ADAM32: variants seen among roughly 807,000 people sequenced by gnomAD.
The protein encoded by ADAM32 is disintegrin and metalloproteinase domain-containing protein 32.
ADAM32 carries 89 observed loss-of-function variants against 114.9 expected under a neutral mutation model. The ratio of observed to expected loss-of-function variants is 0.77; its 90% CI spans 0.65 to 0.92. The LOEUF is 0.92. Among genes scored for constraint, ADAM32 ranks in the 40% least tolerant of loss-of-function variants. ADAM32 has a pLI of 0.00. For missense variants in ADAM32, 870 were observed against 932.8 expected, an observed-to-expected ratio of 0.93 and a Z score of 0.88; for synonymous variants, 285 against 307.5, an observed-to-expected ratio of 0.93 and a Z score of 0.77.
In ADAM32 at chr8:39,203,974, G is replaced by C. The variant is rs10111868; in HGVS notation, c.1053-7170G>C. Among the ~76,000 whole-genome samples, 294 of 152,258 alleles carry C rather than the reference G, an allele frequency of 1.9e-3. 1 individual carries two copies. Among genetic ancestry groups the C allele is most frequent in the African/African-American group, 6.3e-3 (260 of 41,544 alleles). On this transcript the variant is annotated intron_variant, in intron 11 of 24. Coordinates refer to ENST00000379907, the MANE Select transcript of ADAM32 (RefSeq NM_145004.7). ...GAATATTGGCCCCCACTCTCTTCTG[G>C]CTTGTAGAGTTTCTGCTGAGAGATC...
chr8:39,140,473 C>T (rs953947067), intron 3 of ADAM32, among the ~76,000 whole-genome samples: 11 of 152,066 alleles, frequency 7.2e-5, no homozygotes, highest in Non-Finnish European at 1.5e-4. Flanking sequence ...TTGCATATGT[C>T]GAACCAGCCT....
At chr8:39,264,398 G>A (rs1406624895) in intron 19 of ADAM32, among the ~76,000 whole-genome samples, 5 of 152,104 alleles carry the variant, frequency 3.3e-5, no homozygotes, top group Admixed American at 1.3e-4. Flanking sequence ...TGGGGTCAGA[G>A]GTAATGTCAC....
At chr8:39,203,203 C>T (rs963417052) in intron 11 of ADAM32, among the ~76,000 whole-genome samples, 4 of 152,114 alleles carry the variant, frequency 2.6e-5, no homozygotes, top group Non-Finnish European at 5.9e-5. Flanking sequence ...CTTTCTGTCT[C>T]ATTGATCTGT....
At chr8:39,194,468 C>A (rs141150385) in intron 11 of ADAM32, among the ~76,000 whole-genome samples, 1 of 152,230 alleles carries the variant, frequency 6.6e-6, no homozygotes, top group Non-Finnish European at 1.5e-5. Flanking sequence ...GACACACACA[C>A]CAGCAAAGCA....
intron 11 of ADAM32, among the ~76,000 whole-genome samples, chr8:39,203,174 T>A (rs1048928356): frequency 3.3e-5 from 5 of 152,192 alleles, no homozygotes; most frequent in Non-Finnish European, 5.9e-5. Context: ...TGAGTTCAAG[T>A]CCTGGATATC....
chr8:39,108,434 T>C (rs1330977656), intron 1 of ADAM32, among the ~76,000 whole-genome samples: 1 of 152,180 alleles, frequency 6.6e-6, no homozygotes, highest in Non-Finnish European at 1.5e-5. Flanking sequence ...GTTTAAGCCA[T>C]GCAGTCTACA....
intron 2 of ADAM32, among the ~76,000 whole-genome samples, chr8:39,130,292 C>G (rs554174802): frequency 6.6e-6 from 1 of 151,990 alleles, no homozygotes; most frequent in Admixed American, 6.6e-5. Context: ...TATTTTTCTT[C>G]GTCAGTCTAG....
In ADAM32 at chr8:39,165,098, T is replaced by G. The variant is rs1804745233; in HGVS notation, c.735T>G (p.Ile245Met). The change falls in exon 9 of 25, where the codon ATT becomes ATG. Residue 245 changes from isoleucine (I) to methionine (M), a missense_variant. Ile to Met is a conservative substitution (Grantham distance 10, BLOSUM62 1). Coordinates refer to ENST00000379907, the MANE Select transcript of ADAM32 (RefSeq NM_145004.7). ...SLELWSDENK[I>M]STVGEADELL... Reference sequence around the variant, plus strand: ...AGTTATGGTCAGATGAAAATAAGATTTCTACAGTTGGTGAGGCAGATGAAT... The same window carrying G: ...AGTTATGGTCAGATGAAAATAAGATGTCTACAGTTGGTGAGGCAGATGAAT... 1 of 1,609,928 alleles carries G rather than the reference T, an allele frequency of 6.2e-7. No individual in the cohort carries two copies. The highest frequency in any genetic ancestry group is 1.3e-5 in the African/African-American group (1 of 74,776).
chr8:39,204,894 C>G (rs1807714467), intron 11 of ADAM32, among the ~76,000 whole-genome samples: 1 of 152,216 alleles, frequency 6.6e-6, no homozygotes. Flanking sequence ...GAGGTCCACT[C>G]CAGACCCTGT....
chr8:39,118,043 T>C, intron 1 of ADAM32, 43 bp from the exon 2 acceptor site: 1 of 1,252,284 alleles, frequency 8.0e-7, no homozygotes, highest in Middle Eastern at 1.9e-4. Context: ...TTTAATCAAA[T>C]TAAGGCAAGG....
At chr8:39,147,100 TAAA>T (rs755021733) in intron 3 of ADAM32, 27 bp from the exon 4 acceptor site, 6 of 860,606 alleles carry the variant, frequency 7.0e-6, no homozygotes, top group Non-Finnish European at 9.4e-6. Context: ...AAAGAATAAT[TAAA>T]AAAATTTCCT....
intron 16 of ADAM32, among the ~76,000 whole-genome samples, chr8:39,235,000 C>T (rs1316849991): frequency 6.6e-6 from 1 of 152,094 alleles, no homozygotes; most frequent in South Asian, 2.1e-4. Context: ...TCTCCTTCCC[C>T]CCGCCCCTCT....
At chr8:39,200,468 T>C (rs1294165315) in intron 11 of ADAM32, among the ~76,000 whole-genome samples, 1 of 152,078 alleles carries the variant, frequency 6.6e-6, no homozygotes, top group East Asian at 1.9e-4. Context: ...TTTGATGGGG[T>C]TGTTTGTTTC....
chr8:39,191,122 G>A (rs1192416792), intron 11 of ADAM32, among the ~76,000 whole-genome samples: 1 of 152,122 alleles, frequency 6.6e-6, no homozygotes, highest in Non-Finnish European at 1.5e-5. Context: ...CGTGGTGTGC[G>A]TGTACCACAT....
At chr8:39,137,203 G>T (rs1448121352) in intron 3 of ADAM32, among the ~76,000 whole-genome samples, 2 of 152,156 alleles carry the variant, frequency 1.3e-5, no homozygotes, top group Non-Finnish European at 2.9e-5. Flanking sequence ...TTTCTATAGG[G>T]TTTAATTCTC....
intron 2 of ADAM32, among the ~76,000 whole-genome samples, chr8:39,122,733 C>T (rs1441225593): frequency 6.6e-6 from 1 of 152,144 alleles, no homozygotes; most frequent in Non-Finnish European, 1.5e-5. Context: ...TGTGCCACCA[C>T]GCTTGGCTAT....
intron 17 of ADAM32, among the ~76,000 whole-genome samples, chr8:39,254,116 C>T (rs912735584): frequency 1.3e-5 from 2 of 151,360 alleles, no homozygotes; most frequent in African/African-American, 4.8e-5. Flanking sequence ...GTCACATTTT[C>T]ATTATAATTT....
At chr8:39,222,812 C>T (rs1809070289) in intron 13 of ADAM32, among the ~76,000 whole-genome samples, 1 of 152,086 alleles carries the variant, frequency 6.6e-6, no homozygotes, top group Admixed American at 6.5e-5. Flanking sequence ...TTCATCACAT[C>T]AGATTTTTGT....
intron 1 of ADAM32, 21 bp downstream of exon 1, chr8:39,107,854 A>G: frequency 6.6e-7 from 1 of 1,522,482 alleles, no homozygotes; most frequent in Admixed American, 2.2e-5. Flanking sequence ...CCAGACCCTG[A>G]CACTAGTCCG....
Sources: allele counts gnomAD v4.1 joint callset (sites outside exome capture counted in the v4.1 genomes callset), GRCh38; gene constraint gnomAD v4.1.1; transcripts MANE v1.5; gene names NCBI Gene and HGNC (gene_info 2026-07-23, HGNC 2026-07-21).